Variants in DNAH8 observed in about 807,000 individuals in gnomAD.
DNAH8 encodes dynein axonemal heavy chain 8.
In DNAH8, 382 loss-of-function variants were observed where a neutral mutation model predicts 562.1. The ratio of observed to expected loss-of-function variants is 0.68; its 90% CI spans 0.63 to 0.74. The LOEUF is 0.74. DNAH8 is among the 30% of genes least tolerant of loss of function. The probability of loss-of-function intolerance (pLI) is 0.00; values close to 1 mark genes in which losing one functional copy is unlikely to be tolerated. For missense variants in DNAH8, 5,203 were observed against 5,620.4 expected (o/e 0.93, Z 2.37); for synonymous variants, 1,881 against 1,919.4 (o/e 0.98, Z 0.52).
rs1554229084 is a variant in DNAH8, at chr6:38,852,777, A to G, written c.5550A>G (p.Ser1850=). The G allele has an allele frequency of 6.2e-7, 1 of 1,612,558 alleles. No individual in the cohort carries two copies. Among genetic ancestry groups the G allele is most frequent in the Non-Finnish European group, 8.5e-7 (1 of 1,179,272 alleles). The change falls in exon 40 of 93, where the codon TCA becomes TCG. Residue 1850 remains serine, a synonymous_variant. Transcript: ENST00000327475. ...ATGATCGCATCATGGCCGTCATATC[A>G]AGAGAAGGAGAAAAAATTGTTGTAA... ...KDYDRIMAVI[S]REGEKIVLDN... is the part of the protein sequence containing the mutation.
chr6:38,892,006 T>G (rs1464463724), intron 58 of DNAH8, among the ~76,000 whole-genome samples: 1 of 152,214 alleles, frequency 6.6e-6, no homozygotes, highest in Admixed American at 6.5e-5. Context: ...TTGACCTAAA[T>G]GATCCTTTAG....
At chr6:38,935,487 C>A in intron 76 of DNAH8, 105 bp from the exon 77 acceptor site, 1 of 720,488 alleles carries the variant, frequency 1.4e-6, no homozygotes, top group Non-Finnish European at 2.3e-6. Flanking sequence ...TCAAAAGGTA[C>A]TTTGCTTTAA....
rs929110972 is a variant in DNAH8 at position 38,882,811 on chromosome 6, C to G, written c.7859-99C>G. Reference sequence around the variant, plus strand: ...TAGGAAAACATTTTGAATGTTTATACGATTCTATTGATTGTTTATTGCACT... The same window carrying G: ...TAGGAAAACATTTTGAATGTTTATAGGATTCTATTGATTGTTTATTGCACT... On this transcript the variant is annotated intron_variant, in intron 53 of 92. Transcript: ENST00000327475. 1.5e-5 allele frequency: 11 copies of G among 751,532 alleles called. No individual in the cohort carries two copies. In the East Asian group the frequency reaches 3.2e-4, roughly 22 times the overall value. The allele number at this position is 751,532 out of a possible 1,614,324, so 46.6% of individuals were successfully genotyped here.
rs181980236 is a variant in DNAH8 at position 38,980,491 on chromosome 6, G to A, written c.12835-1855G>A. The stretch of plus-strand genomic sequence containing the variant: ...TCCTCACCTCTTCTAAGTACAGGGT[G>A]GAAGATGGTTCTTCACAGCTCCTGA... On this transcript the variant is annotated intron_variant, in intron 85 of 92. Transcript: ENST00000327475. 1.2e-3 allele frequency among the ~76,000 whole-genome samples: 185 copies of A among 152,220 alleles called. 2 individuals are homozygous for A. The highest frequency in any genetic ancestry group is 4.0e-3 in the African/African-American group (167 of 41,514).
At position 38,750,581 on chromosome 6, in the gene DNAH8, C is replaced by A; in HGVS notation, c.1399C>A (p.His467Asn). The change falls in exon 9 of 93, where the codon CAT becomes AAT. Residue 467 changes from histidine to asparagine, a missense_variant. By Grantham distance (68) the His-to-Asn change is moderately conservative. This residue lies in a region of DNAH8 where 2,176 missense variants were observed against 2,365.1 expected (regional missense o/e 0.92). Transcript: ENST00000327475. The stretch of plus-strand genomic sequence containing the variant: ...AAAAGTGTGTCAACCTCTCTATAAC[C>A]ATGACCTAGTAAGTATGCTTTTAAA... ...LEKVCQPLYN[H>N]DLVSMAHGIQ... is the part of the protein sequence containing the mutation. The A allele has an allele frequency of 6.3e-7, 1 of 1,582,054 alleles. No individual in the cohort carries two copies. Among genetic ancestry groups the A allele is most frequent in the Non-Finnish European group, 8.7e-7 (1 of 1,154,102 alleles).
At chr6:38,794,182 C>G (rs140902608) in intron 21 of DNAH8, among the ~76,000 whole-genome samples, 4 of 151,912 alleles carry the variant, frequency 2.6e-5, no homozygotes, top group African/African-American at 9.7e-5. Context: ...ACCAAGGTAG[C>G]TGACTTTCCT....
intron 82 of DNAH8, among the ~76,000 whole-genome samples, chr6:38,967,171 A>G (rs1763024352): frequency 6.6e-6 from 1 of 152,210 alleles, no homozygotes; most frequent in Non-Finnish European, 1.5e-5. Context: ...CTCACGGTTA[A>G]TGTCACACTT....
intron 85 of DNAH8, among the ~76,000 whole-genome samples, chr6:38,981,635 G>C (rs1317848129): frequency 6.6e-6 from 1 of 152,226 alleles, no homozygotes; most frequent in Non-Finnish European, 1.5e-5. Flanking sequence ...GAGAGGTTTA[G>C]ATAATCCAAC....
chr6:38,761,762 G>A lies in DNAH8; in HGVS notation c.1576G>A (p.Val526Ile), dbSNP rs1766541118. ...AYITDGGLNH[V>I]WDQETPVVLK... ...TATTACTGATGGAGGATTAAACCATGTATGGGATCAGGAAACGCCAGTTGT... is the reference window on the plus strand; with the variant it reads ...TATTACTGATGGAGGATTAAACCATATATGGGATCAGGAAACGCCAGTTGT... The change falls in exon 11 of 93, where the codon GTA becomes ATA. Residue 526 changes from valine to isoleucine, a missense_variant. By Grantham distance (29) the Val-to-Ile change is conservative (BLOSUM62 3). Coordinates refer to ENST00000327475, the MANE Select transcript of DNAH8 (RefSeq NM_001206927.2). 5.1e-6 allele frequency: 8 copies of A among 1,565,678 alleles called. No individual in the cohort carries two copies. Among genetic ancestry groups the A allele is most frequent in the Non-Finnish European group, 6.9e-6 (8 of 1,160,520 alleles).
At chr6:39,027,903 C>T (rs1767403322) in intron 92 of DNAH8, among the ~76,000 whole-genome samples, 1 of 151,966 alleles carries the variant, frequency 6.6e-6, no homozygotes, top group African/African-American at 2.4e-5. Flanking sequence ...GGTGCTGGAC[C>T]CCATGTAGAC....
At chr6:38,864,155 C>A in intron 45 of DNAH8, 95 bp downstream of exon 45, 2 of 1,139,796 alleles carry the variant, frequency 1.8e-6, no homozygotes, top group East Asian at 2.6e-5. Context: ...GACCAACTAT[C>A]CAGGAGTTAT....
At chr6:38,887,917 AC>A (rs1779072304) in intron 57 of DNAH8, among the ~76,000 whole-genome samples, 2 of 148,016 alleles carry the variant, frequency 1.4e-5, no homozygotes, top group Admixed American at 6.9e-5. Flanking sequence ...GCTCACTGCA[AC>A]CGCTGACTCC....
In DNAH8 at chr6:38,799,491, C is replaced by T. The variant is rs955101261; in HGVS notation, c.2902-3688C>T. On this transcript the variant is annotated intron_variant, in intron 21 of 92. Coordinates refer to ENST00000327475, the MANE Select transcript of DNAH8 (RefSeq NM_001206927.2). ...TTGCTTCTCATTTACAACCAGACTT[C>T]TCCAAATGCTCGCACATGCTATCTT... Among the ~76,000 whole-genome samples the T allele has an allele frequency of 7.2e-5, 11 of 152,276 alleles. No individual in the cohort carries two copies. The East Asian group carries it at 1.3e-3, about 19-fold the overall frequency.
rs1188442618 is a variant in DNAH8 at position 38,790,402 on chromosome 6, G to A, written c.2778G>A (p.Lys926=). 1 of 1,462,878 alleles carries A rather than the reference G, an allele frequency of 6.8e-7. No individual in the cohort carries two copies. The highest frequency in any genetic ancestry group is 1.4e-5 in the African/African-American group (1 of 71,104). The allele number at this position is 1,462,878 out of a possible 1,614,324, so 90.6% of individuals were successfully genotyped here. Residue 926 remains lysine (K), a synonymous_variant, in exon 20 of 93, where the codon AAG becomes AAA. Coordinates refer to ENST00000327475, the MANE Select transcript of DNAH8 (RefSeq NM_001206927.2). ...TGGATATGTTCAATCAACTTTTAAA[G>A]AAGGTATGATCTATACATTTAAAAA... ...LVLDMFNQLL[K]KISDLCEMHI... is the part of the protein sequence containing the mutation.
At chr6:38,875,527 T>C in intron 52 of DNAH8, 64 bp from the exon 53 acceptor site, 3 of 977,910 alleles carry the variant, frequency 3.1e-6, no homozygotes, top group Non-Finnish European at 4.4e-6. Context: ...ATTTTACTAT[T>C]ATTTACAATT....
chr6:38,868,658 G>A (rs1308324113), intron 48 of DNAH8, among the ~76,000 whole-genome samples: 2 of 151,222 alleles, frequency 1.3e-5, no homozygotes, highest in Non-Finnish European at 1.5e-5. Context: ...TTTCATGCTT[G>A]TCATGGTTAC....
rs1055104030 is a variant in DNAH8, at chr6:38,999,600, C to T, written c.13215-9214C>T. On this transcript the variant is annotated intron_variant, in intron 88 of 92. Coordinates refer to ENST00000327475, the MANE Select transcript of DNAH8 (RefSeq NM_001206927.2). ...TTTTGAGGACTATTTATATATGGCA[C>T]AAAAGGCATTTGCAACCCATTCCTG... 5.3e-5 allele frequency among the ~76,000 whole-genome samples: 8 copies of T among 151,884 alleles called. No individual in the cohort carries two copies. In the South Asian group the frequency reaches 1.0e-3, roughly 20 times the overall value.
At chr6:38,899,495 T>C (rs1303554128) in intron 61 of DNAH8, among the ~76,000 whole-genome samples, 2 of 152,244 alleles carry the variant, frequency 1.3e-5, no homozygotes, top group Admixed American at 6.5e-5. Flanking sequence ...TCTACATGCG[T>C]GCACACGCAT....
chr6:38,904,557 G>C (rs1190485658), intron 62 of DNAH8, among the ~76,000 whole-genome samples: 1 of 152,072 alleles, frequency 6.6e-6, no homozygotes, highest in East Asian at 1.9e-4. Context: ...TTGGGAGGCC[G>C]AGGTGGGCGG....
Sources: gnomAD v4.1 joint callset for allele counts (sites outside exome capture counted in the v4.1 genomes callset) on GRCh38, gnomAD v4.1.1 for gene constraint, gnomAD v4.1.1 regional missense constraint, MANE v1.5 for transcripts, NCBI Gene and HGNC (gene_info 2026-07-23, HGNC 2026-07-21) for gene names.